The following FARS2 variants were observed in gnomAD, a reference collection of about 807,000 sequenced individuals.
FARS2 encodes the protein phenylalanine--tRNA ligase, mitochondrial.
FARS2 carries 40 observed loss-of-function variants against 46.4 expected under a neutral mutation model. The observed-to-expected ratio is 0.86, with a 90% CI of 0.67 to 1.12. FARS2 has a LOEUF of 1.12. FARS2 is among the 50% of genes most tolerant of loss of function. The pLI, the probability that FARS2 is intolerant of heterozygous loss-of-function variation, is 0.00. For missense variants in FARS2, 513 were observed against 567.9 expected, an observed-to-expected ratio of 0.90 and a Z score of 0.98; for synonymous variants, 234 against 214.9, an observed-to-expected ratio of 1.09 and a Z score of -0.78.
At chr6:5,633,007 C>A (rs926638682) in intron 6 of FARS2, among the ~76,000 whole-genome samples, 1 of 151,746 alleles carries the variant, frequency 6.6e-6, no homozygotes, top group Non-Finnish European at 1.5e-5. Context: ...TTTTTTCTTT[C>A]CTTTCTTTGC....
intron 6 of FARS2, among the ~76,000 whole-genome samples, chr6:5,741,424 A>G (rs986427896): frequency 1.3e-5 from 2 of 152,098 alleles, no homozygotes; most frequent in African/African-American, 4.8e-5. Context: ...CAGGTCTCCT[A>G]TTGATTCATC....
At chr6:5,627,490 T>G (rs915770952) in intron 6 of FARS2, among the ~76,000 whole-genome samples, 5 of 152,272 alleles carry the variant, frequency 3.3e-5, no homozygotes, top group Non-Finnish European at 7.3e-5. Flanking sequence ...TTCAATATGC[T>G]AATTTCTCGT....
intron 5 of FARS2, among the ~76,000 whole-genome samples, chr6:5,546,271 T>C (rs1770983524): frequency 6.6e-6 from 1 of 151,144 alleles, no homozygotes; most frequent in Non-Finnish European, 1.5e-5. Flanking sequence ...TTTTTTTTTT[T>C]TTTTAGACAG....
At chr6:5,767,632 A>G (rs760846846) in intron 6 of FARS2, among the ~76,000 whole-genome samples, 15 of 152,156 alleles carry the variant, frequency 9.9e-5, no homozygotes, top group Non-Finnish European at 2.2e-4. Flanking sequence ...TAGGTAAGTT[A>G]CTTATGGTCT....
At chr6:5,266,904 G>A (rs771902602) in intron 1 of FARS2, among the ~76,000 whole-genome samples, 3 of 152,024 alleles carry the variant, frequency 2.0e-5, no homozygotes, top group East Asian at 3.9e-4. Flanking sequence ...CTATTTATGT[G>A]TGTATGTGAG....
intron 6 of FARS2, among the ~76,000 whole-genome samples, chr6:5,687,548 A>G (rs891589363): frequency 3.9e-5 from 6 of 152,090 alleles, no homozygotes; most frequent in African/African-American, 9.7e-5. Flanking sequence ...GTTCTGCTCC[A>G]TTGGTCTATA....
chr6:5,700,695 A>G (rs774981507), intron 6 of FARS2, among the ~76,000 whole-genome samples: 1 of 152,092 alleles, frequency 6.6e-6, no homozygotes, highest in Non-Finnish European at 1.5e-5. Context: ...ACTGCTTTTC[A>G]TTACTCTCAC....
intron 6 of FARS2, among the ~76,000 whole-genome samples, chr6:5,624,596 C>T (rs140403404): frequency 8.5e-5 from 13 of 152,284 alleles, no homozygotes; most frequent in African/African-American, 3.1e-4. Context: ...CGGTTTTCAG[C>T]GAGTCTTTGG....
intron 4 of FARS2, among the ~76,000 whole-genome samples, chr6:5,536,100 G>A (rs945689289): frequency 4.9e-5 from 7 of 142,008 alleles, no homozygotes; most frequent in Non-Finnish European, 9.0e-5. Context: ...CGCCCAGGCT[G>A]GAGCACAGTG....
chr6:5,304,352 G>T (rs60682586), intron 1 of FARS2, among the ~76,000 whole-genome samples: 3,453 of 150,982 alleles, frequency 0.023, 141 homozygotes, highest in African/African-American at 0.08. Flanking sequence ...TTGTTGACAT[G>T]TGCGTTACTT....
At chr6:5,412,169 G>C (rs1207081696) in intron 3 of FARS2, among the ~76,000 whole-genome samples, 1 of 152,186 alleles carries the variant, frequency 6.6e-6, no homozygotes, top group African/African-American at 2.4e-5. Flanking sequence ...CGAGGGTCCA[G>C]GCTGATGGGA....
intron 4 of FARS2, among the ~76,000 whole-genome samples, chr6:5,514,109 T>TATATATATA (rs1768635769): frequency 6.7e-6 from 1 of 150,276 alleles, no homozygotes; most frequent in African/African-American, 2.5e-5. Context: ...TATATATATA[T>TATATATATA]GATAAAGTGA....
intron 6 of FARS2, among the ~76,000 whole-genome samples, chr6:5,693,132 C>T (rs1461465625): frequency 6.6e-6 from 1 of 152,156 alleles, no homozygotes; most frequent in African/African-American, 2.4e-5. Flanking sequence ...GTTTACTTTA[C>T]ACATAGCAAA....
At chr6:5,281,115 T>C (rs1766694251) in intron 1 of FARS2, among the ~76,000 whole-genome samples, 1 of 152,242 alleles carries the variant, frequency 6.6e-6, no homozygotes, top group Admixed American at 6.5e-5. Flanking sequence ...CAAGTATTTA[T>C]GCAACTGTTG....
At chr6:5,322,768 A>T (rs1036168800) in intron 1 of FARS2, among the ~76,000 whole-genome samples, 1 of 152,112 alleles carries the variant, frequency 6.6e-6, no homozygotes, top group African/African-American at 2.4e-5. Context: ...TTTCCTCTGT[A>T]TGGTGTTTAT....
intron 1 of FARS2, among the ~76,000 whole-genome samples, chr6:5,304,741 G>C (rs1768574551): frequency 6.6e-6 from 1 of 152,176 alleles, no homozygotes; most frequent in African/African-American, 2.4e-5. Context: ...AATGTACTAG[G>C]TGTCTAAGGA....
intron 6 of FARS2, chr6:5,664,941 C>G (rs1416717522): frequency 6.6e-6 from 1 of 152,188 alleles, no homozygotes; most frequent in Non-Finnish European, 1.5e-5. Context: ...CTTTCATATA[C>G]AGTGATGCTG....
chr6:5,604,279 A>G (rs1774701069), intron 5 of FARS2, among the ~76,000 whole-genome samples: 2 of 152,080 alleles, frequency 1.3e-5, no homozygotes, highest in African/African-American at 2.4e-5. Flanking sequence ...CCACACTCCC[A>G]TCTACACTCC....
At chr6:5,336,666 C>G (rs770418662) in intron 1 of FARS2, among the ~76,000 whole-genome samples, 5 of 152,032 alleles carry the variant, frequency 3.3e-5, no homozygotes, top group Non-Finnish European at 5.9e-5. Context: ...CAATTACACC[C>G]TTTATTTTAA....
Sources: allele counts gnomAD v4.1 joint callset (sites outside exome capture counted in the v4.1 genomes callset), GRCh38; gene constraint gnomAD v4.1.1; transcripts MANE v1.5; gene names NCBI Gene and HGNC (gene_info 2026-07-23, HGNC 2026-07-21).